PLCG1: variants seen among roughly 807,000 people sequenced by gnomAD.
PLCG1 encodes 1-phosphatidylinositol 4,5-bisphosphate phosphodiesterase gamma-1.
PLCG1 carries 71 observed loss-of-function variants against 177.8 expected under a neutral mutation model. The observed-to-expected ratio is 0.40, with a 90% CI of 0.33 to 0.49. The LOEUF is 0.49. Ranked by LOEUF, PLCG1 falls within the 20% of genes least tolerant of loss-of-function variation. The pLI, the probability that PLCG1 is intolerant of heterozygous loss-of-function variation, is 0.72. For missense variants in PLCG1, 1,281 were observed against 1,709.0 expected (o/e 0.75, Z 4.42); for synonymous variants, 658 against 647.9 (o/e 1.02, Z -0.24).
In PLCG1 at chr20:41,164,881, G is replaced by T; in HGVS notation, c.1218-52G>T. Reference sequence around the variant, plus strand: ...ACAGCTCACTGTGAGGGGCTACTTAGACCCAGAGAATTGCAGAATCTGTTT... The same window carrying T: ...ACAGCTCACTGTGAGGGGCTACTTATACCCAGAGAATTGCAGAATCTGTTT... On this transcript the variant is annotated intron_variant, in intron 12 of 31. Coordinates refer to ENST00000685551, the MANE Select transcript of PLCG1 (RefSeq NM_002660.3). This position sits in a 1 kb window ranked among gnomAD's most constrained non-coding sequence, Gnocchi z 6.4. The T allele has an allele frequency of 6.4e-7, 1 of 1,570,204 alleles. No homozygotes were observed. The highest frequency in any genetic ancestry group is 1.2e-5 in the South Asian group (1 of 85,638).
Position 41,167,072 on chromosome 20 carries a change from C to G in PLCG1, c.2301+213C>G, listed in dbSNP as rs369033746. On this transcript the variant is annotated intron_variant, in intron 19 of 31. Transcript: ENST00000685551. This position sits in a 1 kb window ranked among gnomAD's most constrained non-coding sequence, Gnocchi z 4.4. ...GCATCTTTAAGGATGGGGACAGGCA[C>G]ATAAGCAGAGGGTTCCTCATGAGTC... is the stretch of plus-strand genomic sequence containing the variant. 5.1e-4 allele frequency among the ~76,000 whole-genome samples: 77 copies of G among 152,258 alleles called. 1 individual carries two copies. Among genetic ancestry groups the G allele is most frequent in the East Asian group, 4.8e-3 (25 of 5,176 alleles).
In PLCG1 at chr20:41,163,495, C is replaced by T. The variant is rs1459571272; in HGVS notation, c.891+16C>T. 6.3e-7 allele frequency: 1 copy of T among 1,577,184 alleles called. No individual in the cohort carries two copies. The highest frequency in any genetic ancestry group is 8.7e-7 in the Non-Finnish European group (1 of 1,148,840). ...CCTGGATGAGGTGAGCCCGATGTTT[C>T]ACCCATTTTTTGTCAAGAGAATGAG... On this transcript the variant is annotated intron_variant, in intron 9 of 31. Coordinates refer to ENST00000685551, the MANE Select transcript of PLCG1 (RefSeq NM_002660.3). This position sits in a 1 kb window ranked among gnomAD's most constrained non-coding sequence, Gnocchi z 5.2.
chr20:41,140,668 A>G (rs529649438), intron 1 of PLCG1, among the ~76,000 whole-genome samples: 36 of 152,288 alleles, frequency 2.4e-4, no homozygotes, highest in African/African-American at 8.4e-4. Context: ...ATTTGGCTCA[A>G]AAGCGGGGTG....
rs182588070 is a variant in PLCG1 at position 41,174,122 on chromosome 20, A to G, written c.3646-2A>G. ...CCTCTTGTGCACCTGGCTTCGTTGA[A>G]GCAGGAGAATGGTGACCTCAGTCCC... On this transcript the variant is annotated splice_acceptor_variant, in intron 30 of 31. Transcript: ENST00000685551. LOFTEE classifies it high-confidence loss of function. The surrounding 1 kb of genome is among the most constrained non-coding windows in gnomAD (Gnocchi z 5.8). The G allele has an allele frequency of 1.2e-6, 2 of 1,612,712 alleles. No individual in the cohort carries two copies. Among genetic ancestry groups the G allele is most frequent in the African/African-American group, 1.3e-5 (1 of 74,904 alleles).
chr20:41,156,432 G>A lies in PLCG1; in HGVS notation c.218-3174G>A, dbSNP rs1306714736. On this transcript the variant is annotated intron_variant, in intron 1 of 31. Coordinates refer to ENST00000685551, the MANE Select transcript of PLCG1 (RefSeq NM_002660.3). The surrounding 1 kb of genome is among the most constrained non-coding windows in gnomAD (Gnocchi z 5.0). ...CAGCCCTGATGGGCTGTGCTGGCTG[G>A]GCTTTGCCTTCTTGGGTCAAGGCGA... is the stretch of plus-strand genomic sequence containing the variant. Among the ~76,000 whole-genome samples the A allele has an allele frequency of 6.6e-6, 1 of 152,154 alleles. No individual in the cohort carries two copies. The highest frequency in any genetic ancestry group is 1.5e-5 in the Non-Finnish European group (1 of 68,028).
In PLCG1 at chr20:41,157,204, C is replaced by CTGTGTG. The variant is rs35980938; in HGVS notation, c.218-2370_218-2365dup. Among the ~76,000 whole-genome samples the CTGTGTG allele has an allele frequency of 0.1, 15,003 of 143,892 alleles. 828 individuals carry two copies. The highest frequency in any genetic ancestry group is 0.12 in the Non-Finnish European group (8,230 of 66,672). 94.4% of individuals were successfully genotyped at this position (143,892 alleles called of 152,430 possible). On this transcript the variant is annotated intron_variant, in intron 1 of 31. Coordinates refer to ENST00000685551, the MANE Select transcript of PLCG1 (RefSeq NM_002660.3). This position sits in a 1 kb window ranked among gnomAD's most constrained non-coding sequence, Gnocchi z 5.4. ...GTGCAGGAGTGCAGGCCTGTTGACT[C>CTGTGTG]TGTGTGTGTGTGTGTGTGTGTGTGT...
rs1162190209 is a variant in PLCG1, at chr20:41,176,321, A to G, written c.*1812A>G. 1 of 152,198 alleles carries G rather than the reference A, an allele frequency of 6.6e-6. No homozygotes were observed. Among genetic ancestry groups the G allele is most frequent in the Non-Finnish European group, 1.5e-5 (1 of 68,046 alleles). 9.4% of individuals were successfully genotyped at this position (152,198 alleles called of 1,614,324 possible). On this transcript the variant is annotated 3_prime_UTR_variant, in exon 32 of 32. Coordinates refer to ENST00000685551, the MANE Select transcript of PLCG1 (RefSeq NM_002660.3). ...CTTTCTTTTACAGCTTCACAGTCCCAGTTCATAGAGAGGAGGGTGGCTTTT... is the reference window on the plus strand; with the variant it reads ...CTTTCTTTTACAGCTTCACAGTCCCGGTTCATAGAGAGGAGGGTGGCTTTT...
chr20:41,169,445 T>G lies in PLCG1; in HGVS notation c.2581-12T>G, dbSNP rs1451659850. 6.2e-7 allele frequency: 1 copy of G among 1,609,014 alleles called. No homozygotes were observed. Among genetic ancestry groups the G allele is most frequent in the Non-Finnish European group, 8.5e-7 (1 of 1,175,614 alleles). On this transcript the variant is annotated splice_polypyrimidine_tract_variant and intron_variant, in intron 22 of 31. Coordinates refer to ENST00000685551, the MANE Select transcript of PLCG1 (RefSeq NM_002660.3). ...AGCCATGCTGACCATTGGTGGGCTT[T>G]GCTTCCCACAGCACTTGGACGAGAA...
In PLCG1 at chr20:41,165,517, A is replaced by C; in HGVS notation, c.1577A>C (p.Asp526Ala). The C allele has an allele frequency of 6.2e-7, 1 of 1,614,000 alleles. No homozygotes were observed. Among genetic ancestry groups the C allele is most frequent in the Non-Finnish European group, 8.5e-7 (1 of 1,179,930 alleles). Residue 526 changes from aspartate to alanine, a missense_variant, in exon 15 of 32, where the codon GAC becomes GCC. Asp to Ala is a moderately radical substitution (Grantham distance 126). This residue lies in a region of PLCG1 where 723 missense variants were observed against 1,030.0 expected (regional missense o/e 0.70). Coordinates refer to ENST00000685551, the MANE Select transcript of PLCG1 (RefSeq NM_002660.3). The surrounding 1 kb of genome is among the most constrained non-coding windows in gnomAD (Gnocchi z 6.6). Reference protein sequence around the residue: ...KIYYSEETSSDQGNEDEEEPK... With the variant: ...KIYYSEETSSAQGNEDEEEPK... ...TACTACTCTGAGGAGACCAGCAGTG[A>C]CCAGGGCAACGAGGATGAGGAGGAG...
In PLCG1 at chr20:41,162,244, T is replaced by TTG. The variant is rs1555813894; in HGVS notation, c.513-207_513-206insGT. The TTG allele has an allele frequency of 2.0e-5, 6 of 298,240 alleles. No homozygotes were observed. The East Asian group carries it at 2.8e-4, about 14-fold the overall frequency. 18.5% of individuals were successfully genotyped at this position (298,240 alleles called of 1,614,324 possible). A position where few individuals can be genotyped will look rare whatever the true frequency, so the allele number is the denominator to read the frequency against. ...TGTTTGTTTTGTTTTTGTTTTTTTT[T>TTG]TTTTTTTTTTTGCTCAGATGAGGAA... On this transcript the variant is annotated intron_variant, in intron 4 of 31. Transcript: ENST00000685551.
In PLCG1 at chr20:41,164,821, T is replaced by G; in HGVS notation, c.1218-112T>G. The G allele has an allele frequency of 9.4e-7, 1 of 1,061,498 alleles. No individual in the cohort carries two copies. Among genetic ancestry groups the G allele is most frequent in the Admixed American group, 2.4e-5 (1 of 41,700 alleles). 65.8% of individuals were successfully genotyped at this position (1,061,498 alleles called of 1,614,324 possible). A position where few individuals can be genotyped will look rare whatever the true frequency, so the allele number is the denominator to read the frequency against. On this transcript the variant is annotated intron_variant, in intron 12 of 31. Transcript: ENST00000685551. This position sits in a 1 kb window ranked among gnomAD's most constrained non-coding sequence, Gnocchi z 6.4. ...GCCTGCCTCTTTTCTGGGATAGTTT[T>G]TACAGACAAGAAGCCCCCAGGCCCT... is the stretch of plus-strand genomic sequence containing the variant.
chr20:41,173,617 C>T lies in PLCG1; in HGVS notation c.3395-35C>T, dbSNP rs569031542. Reference sequence around the variant, plus strand: ...CCACCAGTCATCCCATCCTCTCCCACGGTGACCTGAAGCCTTTTGTCGTTG... The same window carrying T: ...CCACCAGTCATCCCATCCTCTCCCATGGTGACCTGAAGCCTTTTGTCGTTG... On this transcript the variant is annotated intron_variant, in intron 28 of 31. Transcript: ENST00000685551. This position sits in a 1 kb window ranked among gnomAD's most constrained non-coding sequence, Gnocchi z 6.2. The T allele has an allele frequency of 1.9e-5, 31 of 1,614,126 alleles. No individual in the cohort carries two copies. In the East Asian group the frequency reaches 2.5e-4, roughly 13 times the overall value.
rs143918789 is a variant in PLCG1, at chr20:41,167,381, C to T, written c.2302-471C>T. Among the ~76,000 whole-genome samples, 4 of 152,232 alleles carry T rather than the reference C, an allele frequency of 2.6e-5. No homozygotes were observed. Among genetic ancestry groups the T allele is most frequent in the African/African-American group, 9.6e-5 (4 of 41,534 alleles). On this transcript the variant is annotated intron_variant, in intron 19 of 31. Coordinates refer to ENST00000685551, the MANE Select transcript of PLCG1 (RefSeq NM_002660.3). This position sits in a 1 kb window ranked among gnomAD's most constrained non-coding sequence, Gnocchi z 4.4. Reference sequence around the variant, plus strand: ...AGAAGATCAGTTGAGAGACTGCTGTCGTCAGTAGACAGGGCTGGCTGGGGA... The same window carrying T: ...AGAAGATCAGTTGAGAGACTGCTGTTGTCAGTAGACAGGGCTGGCTGGGGA...
At chr20:41,145,332 A>G (rs560100423) in intron 1 of PLCG1, among the ~76,000 whole-genome samples, 9 of 152,272 alleles carry the variant, frequency 5.9e-5, no homozygotes, top group Middle Eastern at 3.4e-3. Flanking sequence ...ATTAATTTCT[A>G]TGACTTAGGA....
chr20:41,139,777 A>G (rs187798372), intron 1 of PLCG1, among the ~76,000 whole-genome samples: 1 of 152,160 alleles, frequency 6.6e-6, no homozygotes, highest in African/African-American at 2.4e-5. Context: ...AGGTGTGGCT[A>G]TAGGTGAGGA....
At chr20:41,149,713 G>A (rs1020215975) in intron 1 of PLCG1, among the ~76,000 whole-genome samples, 9 of 152,174 alleles carry the variant, frequency 5.9e-5, no homozygotes, top group African/African-American at 1.9e-4. Context: ...GCAGAGCACC[G>A]GAAGAGAGGA....
Position 41,157,540 on chromosome 20 carries a change from TTTC to T in PLCG1, c.218-2062_218-2060del, listed in dbSNP as rs1384969635. On this transcript the variant is annotated intron_variant, in intron 1 of 31. Transcript: ENST00000685551. This position sits in a 1 kb window ranked among gnomAD's most constrained non-coding sequence, Gnocchi z 5.4. ...TCTGCCTGTGTACCTGCCTTTTTCA[TTTC>T]TTCAGTCATTAAGCAAGCCCTGGAG... is the stretch of plus-strand genomic sequence containing the variant. Among the ~76,000 whole-genome samples the T allele has an allele frequency of 2.6e-5, 4 of 152,340 alleles. No individual in the cohort carries two copies. Among genetic ancestry groups the T allele is most frequent in the East Asian group, 1.9e-4 (1 of 5,182 alleles).
Position 41,174,333 on chromosome 20 carries a change from T to C in PLCG1, c.3833+22T>C. 1 of 1,609,774 alleles carries C rather than the reference T, an allele frequency of 6.2e-7. No individual in the cohort carries two copies. Among genetic ancestry groups the C allele is most frequent in the Non-Finnish European group, 8.5e-7 (1 of 1,176,232 alleles). ...GAAGGTGAGGAAGATGGAGGGGTGCTAGAGCCAGGAAGGCAGTGGCTAGGT... is the reference window on the plus strand; with the variant it reads ...GAAGGTGAGGAAGATGGAGGGGTGCCAGAGCCAGGAAGGCAGTGGCTAGGT... On this transcript the variant is annotated intron_variant, in intron 31 of 31. Transcript: ENST00000685551. This position sits in a 1 kb window ranked among gnomAD's most constrained non-coding sequence, Gnocchi z 5.8.
In PLCG1 at chr20:41,137,972, C is replaced by A; in HGVS notation, c.217+114C>A. On this transcript the variant is annotated intron_variant, in intron 1 of 31. Transcript: ENST00000685551. This position sits in a 1 kb window ranked among gnomAD's most constrained non-coding sequence, Gnocchi z 7.3. Reference sequence around the variant, plus strand: ...AGCGACTTGGGCAAACTTTCGGGCCCTCCCAGACTCCCTCCGGGCCCCGCC... The same window carrying A: ...AGCGACTTGGGCAAACTTTCGGGCCATCCCAGACTCCCTCCGGGCCCCGCC... 3 of 654,620 alleles carry A rather than the reference C, an allele frequency of 4.6e-6. No homozygotes were observed. The highest frequency in any genetic ancestry group is 4.4e-6 in the Non-Finnish European group (2 of 456,838). The allele number at this position is 654,620 out of a possible 1,614,324, so 40.6% of individuals were successfully genotyped here.
Sources: allele counts gnomAD v4.1 joint callset (sites outside exome capture counted in the v4.1 genomes callset), GRCh38; gene constraint gnomAD v4.1.1; regional missense constraint gnomAD v4.1.1; non-coding constraint Gnocchi (gnomAD v3.1); transcripts MANE v1.5; gene names NCBI Gene and HGNC (gene_info 2026-07-23, HGNC 2026-07-21).